CSMD1: variants seen among roughly 807,000 people sequenced by gnomAD.
CSMD1 encodes CUB and sushi domain-containing protein 1.
A neutral mutation model predicts 417.5 loss-of-function variants in CSMD1; 213 were observed. The observed-to-expected ratio is 0.51, with a 90% CI of 0.46 to 0.57. The LOEUF (loss-of-function observed/expected upper bound fraction) is 0.57, where lower values mean the gene tolerates loss of function less well. Among genes scored for constraint, CSMD1 ranks in the 20% least tolerant of loss-of-function variants. The pLI is 0.00. For synonymous variants in CSMD1, 2,862 were observed against 1,736.8 expected (o/e 1.65, Z -16.11); for missense variants, 6,923 against 4,529.7 (o/e 1.53, Z -15.17).
At chr8:3,747,127 G>T (rs745687416) in intron 6 of CSMD1, among the ~76,000 whole-genome samples, 3 of 152,202 alleles carry the variant, frequency 2.0e-5, no homozygotes, top group Admixed American at 6.5e-5. Flanking sequence ...TGTAAAGACT[G>T]ACATGAAGCC....
At chr8:4,576,549 T>C (rs1471927835) in intron 2 of CSMD1, among the ~76,000 whole-genome samples, 3 of 152,198 alleles carry the variant, frequency 2.0e-5, no homozygotes, top group African/African-American at 7.2e-5. Context: ...GTCTCTCACC[T>C]TTTTTGTTGG....
chr8:4,958,677 G>A (rs1019936287), intron 1 of CSMD1, among the ~76,000 whole-genome samples: 1 of 152,140 alleles, frequency 6.6e-6, no homozygotes, highest in African/African-American at 2.4e-5. Flanking sequence ...TTACCATGGA[G>A]TTTTTAAGAA....
rs895690001 is a variant in CSMD1, at chr8:4,787,605, G to A, written c.86-150047C>T. On this transcript the variant is annotated intron_variant, in intron 1 of 69. Transcript: ENST00000635120. Reference sequence around the variant, plus strand: ...CAGTGCGAAATGATTCCAATTGAATGGGTTTGCAGAAGAATAGCAACTGGT... The same window carrying A: ...CAGTGCGAAATGATTCCAATTGAATAGGTTTGCAGAAGAATAGCAACTGGT... 1.6e-5 allele frequency: 25 copies of A among 1,545,976 alleles called. No individual in the cohort carries two copies. The African/African-American group carries it at 2.8e-4, about 18-fold the overall frequency.
intron 7 of CSMD1, among the ~76,000 whole-genome samples, chr8:3,688,954 ATAT>A (rs746087848): frequency 6.6e-6 from 1 of 152,198 alleles, no homozygotes; most frequent in African/African-American, 2.4e-5. Context: ...AATGAATGAA[ATAT>A]TATGAAATTA....
chr8:4,347,891 GA>G (rs1270500067), intron 3 of CSMD1, among the ~76,000 whole-genome samples: 2 of 151,330 alleles, frequency 1.3e-5, no homozygotes, highest in African/African-American at 4.9e-5. Context: ...TCCATGATAA[GA>G]AAAAAATAAA....
At chr8:4,715,416 ATC>A (rs1563203763) in intron 1 of CSMD1, among the ~76,000 whole-genome samples, 1 of 152,214 alleles carries the variant, frequency 6.6e-6, no homozygotes. Context: ...ACCTTTATTC[ATC>A]TCTGTTTTCT....
chr8:3,694,475 G>C (rs963479779), intron 7 of CSMD1, among the ~76,000 whole-genome samples: 1 of 152,092 alleles, frequency 6.6e-6, no homozygotes, highest in Admixed American at 6.5e-5. Context: ...CGGCCAGGCC[G>C]AAAACACCAT....
At chr8:3,646,836 C>G (rs1797598692) in intron 7 of CSMD1, among the ~76,000 whole-genome samples, 1 of 152,162 alleles carries the variant, frequency 6.6e-6, no homozygotes, top group Admixed American at 6.6e-5. Context: ...CTCCCACCCG[C>G]TGGCTGCTTG....
intron 1 of CSMD1, among the ~76,000 whole-genome samples, chr8:4,688,113 T>C (rs1006932757): frequency 1.3e-5 from 2 of 152,178 alleles, no homozygotes; most frequent in African/African-American, 4.8e-5. Context: ...ATGTAGAAAT[T>C]GGAGGATTGT....
At chr8:3,292,894 G>T (rs372179753) in intron 25 of CSMD1, among the ~76,000 whole-genome samples, 1 of 151,474 alleles carries the variant, frequency 6.6e-6, no homozygotes, top group Non-Finnish European at 1.5e-5. Context: ...TATTTTGCTC[G>T]TTAGTTGATG....
chr8:3,387,372 G>C (rs551565878), intron 18 of CSMD1, 122 bp downstream of exon 18: 35 of 721,078 alleles, frequency 4.9e-5, no homozygotes, highest in South Asian at 3.5e-4. Context: ...CAACTTCTCA[G>C]AGGGAACTCA....
chr8:3,416,160 G>T (rs970822071), intron 12 of CSMD1, among the ~76,000 whole-genome samples: 2 of 84,202 alleles, frequency 2.4e-5, no homozygotes, highest in South Asian at 5.3e-4. Flanking sequence ...AATTAGCCGG[G>T]CGTGTTGGGG....
intron 3 of CSMD1, among the ~76,000 whole-genome samples, chr8:4,374,513 G>A (rs1802595080): frequency 1.3e-5 from 2 of 152,094 alleles, no homozygotes; most frequent in Admixed American, 6.6e-5. Flanking sequence ...AATGCCCACA[G>A]CAGATCTAGA....
At chr8:4,000,847 A>G (rs1815612536) in intron 4 of CSMD1, among the ~76,000 whole-genome samples, 1 of 152,102 alleles carries the variant, frequency 6.6e-6, no homozygotes, top group Non-Finnish European at 1.5e-5. Flanking sequence ...AAAGAGTTCT[A>G]ATACCTTTAT....
chr8:4,272,163 T>C (rs1197643916), intron 3 of CSMD1, among the ~76,000 whole-genome samples: 2 of 152,196 alleles, frequency 1.3e-5, no homozygotes, highest in South Asian at 2.1e-4. Context: ...AATCTCAGCA[T>C]GCTGGTACAG....
intron 3 of CSMD1, among the ~76,000 whole-genome samples, chr8:4,112,599 G>C (rs942504200): frequency 6.6e-6 from 1 of 152,158 alleles, no homozygotes; most frequent in African/African-American, 2.4e-5. Context: ...GTCTGTGCGT[G>C]TATGAGGGCT....
At chr8:4,814,883 G>A (rs1366135748) in intron 1 of CSMD1, among the ~76,000 whole-genome samples, 4 of 152,100 alleles carry the variant, frequency 2.6e-5, no homozygotes, top group Non-Finnish European at 4.4e-5. Context: ...ATATTTCACT[G>A]ATAAAAACTA....
intron 3 of CSMD1, among the ~76,000 whole-genome samples, chr8:4,112,563 C>T (rs1801913591): frequency 6.6e-6 from 1 of 152,124 alleles, no homozygotes; most frequent in African/African-American, 2.4e-5. Flanking sequence ...TTCTCTGTTC[C>T]CTCTTCTGGG....
At chr8:3,395,425 G>C (rs1438219704) in intron 17 of CSMD1, among the ~76,000 whole-genome samples, 1 of 151,824 alleles carries the variant, frequency 6.6e-6, no homozygotes, top group African/African-American at 2.4e-5. Context: ...TATTCCTAGG[G>C]GTGATTCCCA....
Sources: allele counts gnomAD v4.1 joint callset (sites outside exome capture counted in the v4.1 genomes callset), GRCh38; gene constraint gnomAD v4.1.1; transcripts MANE v1.5; gene names NCBI Gene and HGNC (gene_info 2026-07-23, HGNC 2026-07-21).